Variants in RMST observed in about 807,000 individuals in gnomAD.
RMST encodes long intergenic non-protein coding RNA 54.
At chr12:97,473,061 C>T (rs1593122884) in intron 5 of RMST, among the ~76,000 whole-genome samples, 1 of 152,200 alleles carries the variant, frequency 6.6e-6, no homozygotes, top group East Asian at 1.9e-4. Context: ...TGTTAGCAAT[C>T]ATACTTTAGT....
chr12:97,523,806 A>G (rs142327036), intron 10 of RMST, among the ~76,000 whole-genome samples: 3,190 of 152,172 alleles, frequency 0.021, 69 homozygotes, highest in Non-Finnish European at 0.028. Flanking sequence ...GGCCGGGCGC[A>G]GTGGCTCATG....
intron 11 of RMST, chr12:97,541,082 C>T (rs746497118): frequency 1.1e-4 from 16 of 151,336 alleles, no homozygotes; most frequent in Non-Finnish European, 1.9e-4. Context: ...AAATATCTGG[C>T]TTACTGGAAG....
At chr12:97,522,011 C>T (rs538933200) in intron 10 of RMST, among the ~76,000 whole-genome samples, 3 of 152,266 alleles carry the variant, frequency 2.0e-5, no homozygotes, top group Non-Finnish European at 1.5e-5. Flanking sequence ...AATGTCTACA[C>T]TCTTAGTCTA....
chr12:97,481,602 G>A (rs1875292116), intron 5 of RMST, among the ~76,000 whole-genome samples: 1 of 152,068 alleles, frequency 6.6e-6, no homozygotes, highest in African/African-American at 2.4e-5. Flanking sequence ...TATTTTCTCA[G>A]GAAGAAGAGT....
chr12:97,497,679 ATT>A (rs113722074), intron 10 of RMST, among the ~76,000 whole-genome samples: 5 of 143,038 alleles, frequency 3.5e-5, no homozygotes, highest in South Asian at 2.2e-4. Flanking sequence ...CACAAGGATG[ATT>A]TTTTTTTTTT....
At position 97,494,712 on chromosome 12, in the gene RMST, C is replaced by T. The variant is rs140051857; in HGVS notation, n.1045C>T. The T allele has an allele frequency of 1.1e-3, 164 of 152,002 alleles. 1 individual carries two copies. The highest frequency in any genetic ancestry group is 3.5e-3 in the African/African-American group (144 of 41,440). 9.4% of individuals were successfully genotyped at this position (152,002 alleles called of 1,614,324 possible). A position where few individuals can be genotyped will look rare whatever the true frequency, so the allele number is the denominator to read the frequency against. On this transcript the variant is annotated non_coding_transcript_exon_variant, in exon 9 of 14. Transcript: ENST00000640149. Reference sequence around the variant, plus strand: ...ACTTTCAGACTGGCTGAAACCACCACGGTTGTTTACAATTTATGCTCTAAC... The same window carrying T: ...ACTTTCAGACTGGCTGAAACCACCATGGTTGTTTACAATTTATGCTCTAAC...
At chr12:97,508,079 T>C (rs1878889438) in intron 10 of RMST, among the ~76,000 whole-genome samples, 2 of 152,112 alleles carry the variant, frequency 1.3e-5, no homozygotes, top group South Asian at 4.1e-4. Flanking sequence ...GGAAAAAATG[T>C]TTATGATTAC....
intron 5 of RMST, chr12:97,483,470 T>G (rs546683353): frequency 6.6e-6 from 1 of 152,230 alleles, no homozygotes; most frequent in Admixed American, 6.5e-5. Context: ...GGATGAAGCT[T>G]TGGAAGTACT....
chr12:97,476,647 C>T (rs1483047011), intron 5 of RMST, among the ~76,000 whole-genome samples: 1 of 152,136 alleles, frequency 6.6e-6, no homozygotes, highest in East Asian at 1.9e-4. Context: ...CATTCATGTC[C>T]TCATGGAAGA....
intron 10 of RMST, among the ~76,000 whole-genome samples, chr12:97,530,189 G>A (rs1881500464): frequency 1.3e-5 from 2 of 151,922 alleles, no homozygotes; most frequent in Admixed American, 1.3e-4. Context: ...ATTAATACAA[G>A]GGCATCTGAA....
At chr12:97,518,337 G>A (rs1257373026) in intron 10 of RMST, among the ~76,000 whole-genome samples, 1 of 152,042 alleles carries the variant, frequency 6.6e-6, no homozygotes, top group Non-Finnish European at 1.5e-5. Flanking sequence ...ATACACTTTG[G>A]TTAAAATTTA....
chr12:97,472,483 T>G (rs1234485781), intron 5 of RMST, among the ~76,000 whole-genome samples: 1 of 152,086 alleles, frequency 6.6e-6, no homozygotes, highest in Non-Finnish European at 1.5e-5. Context: ...GAATCCAGAG[T>G]CAAGTAGTCC....
intron 10 of RMST, among the ~76,000 whole-genome samples, chr12:97,502,016 T>G (rs538223429): frequency 6.6e-6 from 1 of 152,246 alleles, no homozygotes; most frequent in African/African-American, 2.4e-5. Context: ...GACTTTAACT[T>G]TAAGGAAGAG....
chr12:97,469,780 T>G (rs1197054577), intron 5 of RMST, among the ~76,000 whole-genome samples: 3 of 152,126 alleles, frequency 2.0e-5, no homozygotes, highest in Non-Finnish European at 4.4e-5. Flanking sequence ...TAAAGCCCTG[T>G]ACTTTATTGC....
intron 5 of RMST, among the ~76,000 whole-genome samples, chr12:97,485,356 T>G (rs954360498): frequency 6.6e-6 from 1 of 152,212 alleles, no homozygotes; most frequent in Non-Finnish European, 1.5e-5. Context: ...TTGAGTATTT[T>G]ACTGCATTTC....
At chr12:97,482,697 T>A (rs12227401) in intron 5 of RMST, among the ~76,000 whole-genome samples, 1 of 65,060 alleles carries the variant, frequency 1.5e-5, no homozygotes, top group African/African-American at 4.5e-5. Context: ...ATTATTTATT[T>A]AATAAATAAA....
chr12:97,500,886 CAG>C (rs1328258698), intron 10 of RMST, among the ~76,000 whole-genome samples: 2 of 152,176 alleles, frequency 1.3e-5, no homozygotes, highest in East Asian at 1.9e-4. Context: ...TTTCATAAAA[CAG>C]AATACAATTG....
intron 11 of RMST, among the ~76,000 whole-genome samples, chr12:97,544,110 A>G (rs919728861): frequency 6.6e-6 from 1 of 152,070 alleles, no homozygotes; most frequent in Admixed American, 6.6e-5. Flanking sequence ...GACTAATGCT[A>G]TAAATAAACA....
At chr12:97,487,550 G>A (rs879668245) in intron 5 of RMST, among the ~76,000 whole-genome samples, 7 of 152,124 alleles carry the variant, frequency 4.6e-5, no homozygotes, top group Non-Finnish European at 8.8e-5. Context: ...CAAGCAGCTG[G>A]GGTGGAGAGA....
Sources: gnomAD v4.1 joint callset for allele counts (sites outside exome capture counted in the v4.1 genomes callset) on GRCh38, gnomAD v4.1.1 for gene constraint, MANE v1.5 for transcripts, NCBI Gene and HGNC (gene_info 2026-07-23, HGNC 2026-07-21) for gene names.